XYLT1: variants seen among roughly 807,000 people sequenced by gnomAD.
XYLT1 encodes the protein beta-D-xylosyltransferase 1.
A neutral mutation model predicts 91.3 loss-of-function variants in XYLT1; 36 were observed. That is an observed-to-expected ratio of 0.39 (90% confidence interval 0.30 to 0.52). The LOEUF is 0.52. Among genes scored for constraint, XYLT1 ranks in the 20% least tolerant of loss-of-function variants. The pLI is 0.68. For missense variants in XYLT1, 1,242 were observed against 1,284.5 expected, an observed-to-expected ratio of 0.97 and a Z score of 0.51; for synonymous variants, 588 against 532.0, an observed-to-expected ratio of 1.11 and a Z score of -1.45.
intron 2 of XYLT1, among the ~76,000 whole-genome samples, chr16:17,303,219 G>A (rs971931055): frequency 1.3e-5 from 2 of 152,188 alleles, no homozygotes; most frequent in African/African-American, 2.4e-5. Context: ...TTCAGGGGTT[G>A]GCAAACTACA....
At chr16:17,372,776 T>C (rs1288834661) in intron 1 of XYLT1, among the ~76,000 whole-genome samples, 2 of 152,212 alleles carry the variant, frequency 1.3e-5, no homozygotes, top group Non-Finnish European at 2.9e-5. Flanking sequence ...ACTTGAGATC[T>C]TGGTGCCTCA....
chr16:17,134,915 G>A (rs1277700003), intron 8 of XYLT1, among the ~76,000 whole-genome samples, 180 bp from the exon 9 acceptor site: 1 of 151,302 alleles, frequency 6.6e-6, no homozygotes, highest in African/African-American at 2.4e-5. Flanking sequence ...TAATAAGGGT[G>A]TGAGTTAATC....
At position 17,124,084 on chromosome 16, in the gene XYLT1, G is replaced by A. The variant is rs1396930646; in HGVS notation, c.2223+3582C>T. On this transcript the variant is annotated intron_variant, in intron 10 of 11. Transcript: ENST00000261381. ...ACACTTGGTTGGTGAATTCTTATCC[G>A]TTCTGTATCTTTTAAGTGAAGCTTT... 5.9e-5 allele frequency among the ~76,000 whole-genome samples: 9 copies of A among 152,028 alleles called. 1 individual carries two copies. The highest frequency in any genetic ancestry group is 3.3e-4 in the Admixed American group (5 of 15,240).
At chr16:17,318,948 G>A (rs563523018) in intron 2 of XYLT1, among the ~76,000 whole-genome samples, 5 of 151,920 alleles carry the variant, frequency 3.3e-5, no homozygotes, top group South Asian at 4.2e-4. Flanking sequence ...CCACCATGCC[G>A]GGGTAATTTT....
intron 1 of XYLT1, among the ~76,000 whole-genome samples, chr16:17,431,190 A>T (rs2141932062): frequency 6.6e-6 from 1 of 152,256 alleles, no homozygotes; most frequent in South Asian, 2.1e-4. Context: ...GTGTTCCAAT[A>T]AAGCTTTATT....
At chr16:17,242,274 G>T (rs1191095753) in intron 3 of XYLT1, among the ~76,000 whole-genome samples, 1 of 151,768 alleles carries the variant, frequency 6.6e-6, no homozygotes, top group Admixed American at 6.6e-5. Context: ...GCACAGACAT[G>T]CCTATTCATT....
Position 17,301,401 on chromosome 16 carries a change from C to G in XYLT1, c.403-41903G>C, listed in dbSNP as rs555100426. ...CTCCAGCCTGGGCAACACAACACAA[C>G]TCTGTCTCAAAATAATAATAATAGT... On this transcript the variant is annotated intron_variant, in intron 2 of 11. Coordinates refer to ENST00000261381, the MANE Select transcript of XYLT1 (RefSeq NM_022166.4). Among the ~76,000 whole-genome samples, 23 of 152,268 alleles carry G rather than the reference C, an allele frequency of 1.5e-4. No homozygotes were observed. In the South Asian group the frequency reaches 4.6e-3, roughly 30 times the overall value.
chr16:17,212,818 T>C (rs534911038), intron 3 of XYLT1, among the ~76,000 whole-genome samples: 16 of 152,334 alleles, frequency 1.1e-4, no homozygotes, highest in Non-Finnish European at 2.2e-4. Context: ...GTATGGTACA[T>C]TTCACTGCAA....
At chr16:17,208,858 G>A (rs1220033441) in intron 3 of XYLT1, among the ~76,000 whole-genome samples, 1 of 152,156 alleles carries the variant, frequency 6.6e-6, no homozygotes, top group Non-Finnish European at 1.5e-5. Context: ...CTGAGGAGCT[G>A]AGACTACAGG....
chr16:17,399,339 C>T (rs1032859390), intron 1 of XYLT1, among the ~76,000 whole-genome samples: 1 of 152,060 alleles, frequency 6.6e-6, no homozygotes, highest in African/African-American at 2.4e-5. Flanking sequence ...AATGAGAGTC[C>T]CCAGAGGTTC....
intron 9 of XYLT1, among the ~76,000 whole-genome samples, chr16:17,129,097 A>C (rs1378133829): frequency 1.4e-5 from 2 of 138,134 alleles, no homozygotes; most frequent in African/African-American, 2.7e-5. Flanking sequence ...AAAAAAAAAA[A>C]CTTGAACAGT....
chr16:17,246,457 G>A (rs545927921), intron 3 of XYLT1, among the ~76,000 whole-genome samples: 2 of 152,258 alleles, frequency 1.3e-5, no homozygotes, highest in South Asian at 2.1e-4. Context: ...AACACATCTG[G>A]TTCCACATTT....
chr16:17,360,907 C>T (rs1487755707), intron 1 of XYLT1, among the ~76,000 whole-genome samples: 2 of 152,148 alleles, frequency 1.3e-5, no homozygotes, highest in Non-Finnish European at 2.9e-5. Flanking sequence ...ATCTTAATGC[C>T]GGTACCAGTA....
chr16:17,174,654 C>T (rs568150994), intron 5 of XYLT1, among the ~76,000 whole-genome samples: 3 of 152,160 alleles, frequency 2.0e-5, no homozygotes, highest in Admixed American at 6.6e-5. Context: ...TTAATGGGTA[C>T]AGGTTTTCCT....
chr16:17,225,891 C>T (rs2033055638), intron 3 of XYLT1, among the ~76,000 whole-genome samples: 1 of 152,118 alleles, frequency 6.6e-6, no homozygotes, highest in South Asian at 2.1e-4. Flanking sequence ...CTTCATGTGG[C>T]TTAAGCAGAT....
At chr16:17,237,472 GT>G (rs1158804215) in intron 3 of XYLT1, among the ~76,000 whole-genome samples, 1 of 152,128 alleles carries the variant, frequency 6.6e-6, no homozygotes, top group Non-Finnish European at 1.5e-5. Flanking sequence ...AATGCCCTTC[GT>G]CCTGACAGGC....
intron 3 of XYLT1, among the ~76,000 whole-genome samples, chr16:17,218,146 T>A (rs529102488): frequency 1.3e-5 from 2 of 152,004 alleles, no homozygotes; most frequent in African/African-American, 4.8e-5. Flanking sequence ...TAGTTTCAGC[T>A]ACTCGGGAGG....
chr16:17,240,862 A>G (rs569379962), intron 3 of XYLT1, among the ~76,000 whole-genome samples: 1 of 152,348 alleles, frequency 6.6e-6, no homozygotes, highest in Non-Finnish European at 1.5e-5. Flanking sequence ...AATGAGGCAC[A>G]CAGAGGTTTA....
At chr16:17,425,429 A>T (rs76977980) in intron 1 of XYLT1, among the ~76,000 whole-genome samples, 2,104 of 152,150 alleles carry the variant, frequency 0.014, 27 homozygotes, top group Middle Eastern at 0.061. Context: ...CCAAATGTCG[A>T]CCCACTCTAG....
Sources: gnomAD v4.1 joint callset for allele counts (sites outside exome capture counted in the v4.1 genomes callset) on GRCh38, gnomAD v4.1.1 for gene constraint, MANE v1.5 for transcripts, NCBI Gene and HGNC (gene_info 2026-07-23, HGNC 2026-07-21) for gene names.